Variants in MGST1 observed in about 807,000 individuals in gnomAD.
MGST1 encodes glutathione S-transferase 12.
MGST1 carries 5 observed loss-of-function variants against 8.9 expected under a neutral mutation model. The observed-to-expected ratio is 0.56, with a 90% CI of 0.29 to 1.19. The LOEUF is 1.19. MGST1 is among the 50% of genes most tolerant of loss of function. The probability of loss-of-function intolerance (pLI) is 0.08; values close to 1 mark genes in which losing one functional copy is unlikely to be tolerated. For missense variants in MGST1, 182 were observed against 187.4 expected (o/e 0.97, Z 0.17); for synonymous variants, 54 against 67.8 (o/e 0.80, Z 1.00).
At chr12:16,367,813 C>T (rs1940218918), downstream of MGST1, among the ~76,000 whole-genome samples, 1 of 149,704 alleles carries the variant, frequency 6.7e-6, no homozygotes, top group Admixed American at 6.8e-5. Flanking sequence ...TGGAATGACT[C>T]TGCAATTGGG....
At chr12:16,380,189 G>A (rs1219077275), downstream of MGST1, among the ~76,000 whole-genome samples, 1 of 152,082 alleles carries the variant, frequency 6.6e-6, no homozygotes, top group Non-Finnish European at 1.5e-5. Flanking sequence ...GCTAGCTTTT[G>A]AATGTGTTTG....
intron 4 of MGST1, among the ~76,000 whole-genome samples, chr12:16,516,399 C>A (rs916362046): frequency 6.6e-6 from 1 of 152,042 alleles, no homozygotes; most frequent in African/African-American, 2.4e-5. Context: ...CTGGCAGGGA[C>A]CTGAGAGAAT....
At chr12:16,501,098 GAAAAA>G (rs71054822) in intron 4 of MGST1, among the ~76,000 whole-genome samples, 2 of 83,822 alleles carry the variant, frequency 2.4e-5, no homozygotes, top group Non-Finnish European at 2.2e-5. Flanking sequence ...ACTCTGTCTC[GAAAAA>G]AAAAAAAAAA....
intron 1 of MGST1, chr12:16,353,445 G>A (rs1223065897): frequency 3.3e-5 from 5 of 152,148 alleles, no homozygotes; most frequent in African/African-American, 7.2e-5. Context: ...CTACAGTTTT[G>A]AATACTACTG....
chr12:16,541,758 T>TATA (rs1941794711), intron 4 of MGST1, among the ~76,000 whole-genome samples: 1 of 152,190 alleles, frequency 6.6e-6, no homozygotes, highest in South Asian at 2.1e-4. Flanking sequence ...TTCGGGCTTT[T>TATA]ATAATGGACT....
In MGST1 at chr12:16,499,589, A is replaced by G. The variant is rs139045852; in HGVS notation, n.483-89939A>G. 3.5e-3 allele frequency among the ~76,000 whole-genome samples: 526 copies of G among 152,232 alleles called. 6 individuals are homozygous for G. The highest frequency in any genetic ancestry group is 0.012 in the African/African-American group (515 of 41,544). ...CATTACCAATATCTGCACCGAACAA[A>G]GAGACAAGAAACAAAGTTGTCGTGT... On this transcript the variant is annotated intron_variant and non_coding_transcript_variant, in intron 4 of 4. Coordinates refer to the MGST1 transcript ENST00000538857.
chr12:16,565,419 T>G (rs542179139), intron 4 of MGST1, among the ~76,000 whole-genome samples: 105 of 152,320 alleles, frequency 6.9e-4, no homozygotes, highest in Non-Finnish European at 1.3e-3. Flanking sequence ...AAACATTCAA[T>G]TCTTTTGTTT....
rs565988814 is a variant in MGST1, at chr12:16,497,170, A to G, written n.483-92358A>G. Among the ~76,000 whole-genome samples, 5 of 152,266 alleles carry G rather than the reference A, an allele frequency of 3.3e-5. No individual in the cohort carries two copies. The South Asian group carries it at 1.0e-3, about 32-fold the overall frequency. On this transcript the variant is annotated intron_variant and non_coding_transcript_variant, in intron 4 of 4. Transcript: ENST00000538857. The surrounding 1 kb of genome is among the most constrained non-coding windows in gnomAD (Gnocchi z 4.4). ...TTGCTGTCGGAATCAAATGTTTGGC[A>G]TTTTAGGAAATTTCTTCTCAAGGGC...
downstream of MGST1, among the ~76,000 whole-genome samples, chr12:16,366,000 A>T (rs1437658430): frequency 6.6e-6 from 1 of 152,204 alleles, no homozygotes; most frequent in Non-Finnish European, 1.5e-5. Flanking sequence ...TTGAACCATT[A>T]TCACGTCTTT....
At position 16,513,817 on chromosome 12, in the gene MGST1, C is replaced by T. The variant is rs563989546; in HGVS notation, n.483-75711C>T. 11 of 610,232 alleles carry T rather than the reference C, an allele frequency of 1.8e-5. No homozygotes were observed. In the African/African-American group the frequency reaches 2.0e-4, roughly 11 times the overall value. 37.8% of individuals were successfully genotyped at this position (610,232 alleles called of 1,614,324 possible). On this transcript the variant is annotated intron_variant and non_coding_transcript_variant, in intron 4 of 4. Coordinates refer to the MGST1 transcript ENST00000538857. The surrounding 1 kb of genome is among the most constrained non-coding windows in gnomAD (Gnocchi z 4.2). ...CTTAAGGATCAGAGCTAGTTTTCTG[C>T]AAAGATTTCTTAAGTTCAGCCAAGA...
intron 1 of MGST1, among the ~76,000 whole-genome samples, chr12:16,384,026 CA>C (rs1940481797): frequency 6.6e-6 from 1 of 152,032 alleles, no homozygotes; most frequent in Non-Finnish European, 1.5e-5. Flanking sequence ...GGAATTAACA[CA>C]GGTGCAACAG....
At chr12:16,438,856 T>C (rs1380801381), downstream of MGST1, 1 of 151,852 alleles carries the variant, frequency 6.6e-6, no homozygotes. Context: ...CAACATCACT[T>C]TGATCTCTCC....
chr12:16,505,842 C>T (rs532674713), intron 4 of MGST1, among the ~76,000 whole-genome samples: 21 of 152,186 alleles, frequency 1.4e-4, no homozygotes, highest in African/African-American at 2.9e-4. Flanking sequence ...AGGCAGACAA[C>T]GAATATAAAT....
At chr12:16,459,654 C>G (rs1254870345) in intron 4 of MGST1, among the ~76,000 whole-genome samples, 1 of 152,088 alleles carries the variant, frequency 6.6e-6, no homozygotes, top group East Asian at 1.9e-4. Context: ...AACAGAATGT[C>G]AGATCAAGGG....
In MGST1 at chr12:16,494,058, G is replaced by C. The variant is rs75644062; in HGVS notation, n.483-95470G>C. Among the ~76,000 whole-genome samples the C allele has an allele frequency of 8.2e-3, 1,251 of 152,132 alleles. 50 individuals are homozygous for C. The East Asian group carries it at 0.14, about 18-fold the overall frequency. ...CTGGCTTAATGCTGGATACTGTGTC[G>C]TCAAGGTAAAAATATAGTGAGAAAT... On this transcript the variant is annotated intron_variant and non_coding_transcript_variant, in intron 4 of 4. Transcript: ENST00000538857.
chr12:16,571,398 T>C (rs1012757210), intron 4 of MGST1, among the ~76,000 whole-genome samples: 6 of 152,116 alleles, frequency 3.9e-5, no homozygotes, highest in Non-Finnish European at 7.4e-5. Context: ...ACACCATTTA[T>C]CTCATTAGTA....
chr12:16,536,265 C>A (rs1941756609), intron 4 of MGST1, among the ~76,000 whole-genome samples: 1 of 152,096 alleles, frequency 6.6e-6, no homozygotes, highest in African/African-American at 2.4e-5. Flanking sequence ...TGAAGCAGGA[C>A]AATAAGTAAT....
rs1007889982 is a variant in MGST1 at position 16,586,208 on chromosome 12, C to A, written n.483-3320C>A. The stretch of plus-strand genomic sequence containing the variant: ...AGGTAATCTGCCATAAATACTATTT[C>A]CTTCAGATGACTTCTTAAAACATAA... On this transcript the variant is annotated intron_variant and non_coding_transcript_variant, in intron 4 of 4. Coordinates refer to the MGST1 transcript ENST00000538857. The surrounding 1 kb of genome is among the most constrained non-coding windows in gnomAD (Gnocchi z 4.3). Among the ~76,000 whole-genome samples the A allele has an allele frequency of 6.6e-6, 1 of 152,158 alleles. No homozygotes were observed. Among genetic ancestry groups the A allele is most frequent in the Non-Finnish European group, 1.5e-5 (1 of 68,026 alleles).
rs1326386976 is a variant in MGST1 at position 16,587,391 on chromosome 12, A to G, written n.483-2137A>G. On this transcript the variant is annotated intron_variant and non_coding_transcript_variant, in intron 4 of 4. Coordinates refer to the MGST1 transcript ENST00000538857. The surrounding 1 kb of genome is among the most constrained non-coding windows in gnomAD (Gnocchi z 4.3). ...AACGTTTCACTTAAACATTTCTGCAATAAAATCTTATTGAACTGTTGCTTT... is the reference window on the plus strand; with the variant it reads ...AACGTTTCACTTAAACATTTCTGCAGTAAAATCTTATTGAACTGTTGCTTT... Among the ~76,000 whole-genome samples, 4 of 152,188 alleles carry G rather than the reference A, an allele frequency of 2.6e-5. No individual in the cohort carries two copies. Among genetic ancestry groups the G allele is most frequent in the African/African-American group, 7.2e-5 (3 of 41,454 alleles).
Sources: allele counts gnomAD v4.1 joint callset (sites outside exome capture counted in the v4.1 genomes callset), GRCh38; gene constraint gnomAD v4.1.1; non-coding constraint Gnocchi (gnomAD v3.1); transcripts MANE v1.5; gene names NCBI Gene and HGNC (gene_info 2026-07-23, HGNC 2026-07-21).